Variants in SYT2 observed in about 807,000 individuals in gnomAD.
SYT2 encodes synaptotagmin-2.
A neutral mutation model predicts 39.9 loss-of-function variants in SYT2; 15 were observed. That is an observed-to-expected ratio of 0.38 (90% CI 0.25 to 0.58). The LOEUF (loss-of-function observed/expected upper bound fraction) is 0.58, where lower values mean the gene tolerates loss of function less well. SYT2 is among the 20% of genes least tolerant of loss of function. The probability of loss-of-function intolerance (pLI) is 0.70; values close to 1 mark genes in which losing one functional copy is unlikely to be tolerated. For missense variants in SYT2, 389 were observed against 530.3 expected, an observed-to-expected ratio of 0.73 and a Z score of 2.62; for synonymous variants, 181 against 204.5, an observed-to-expected ratio of 0.89 and a Z score of 0.98.
At chr1:202,606,280 CTG>C (rs1407173572) in intron 1 of SYT2, among the ~76,000 whole-genome samples, 2 of 152,158 alleles carry the variant, frequency 1.3e-5, no homozygotes, top group African/African-American at 4.8e-5. Flanking sequence ...AGTTCTGAAA[CTG>C]AGGTTTGAAC....
At chr1:202,695,599 T>G (rs933207284) in intron 1 of SYT2, among the ~76,000 whole-genome samples, 1 of 152,226 alleles carries the variant, frequency 6.6e-6, no homozygotes, top group African/African-American at 2.4e-5. Context: ...CAAGTGTCAT[T>G]GAGAGATGTG....
chr1:202,697,079 A>G (rs944709308), intron 1 of SYT2, among the ~76,000 whole-genome samples: 5 of 152,218 alleles, frequency 3.3e-5, no homozygotes, highest in Admixed American at 6.5e-5. Context: ...TGTTCCACTA[A>G]CGGCCGCAGC....
At chr1:202,639,001 G>A (rs926319703) in intron 1 of SYT2, among the ~76,000 whole-genome samples, 1 of 152,152 alleles carries the variant, frequency 6.6e-6, no homozygotes, top group African/African-American at 2.4e-5. Context: ...CTGTCTTTTG[G>A]TCTGTTGTCT....
In SYT2 at chr1:202,662,498, C is replaced by T. The variant is rs564601213; in HGVS notation, c.-18+47760G>A. Among the ~76,000 whole-genome samples the T allele has an allele frequency of 1.9e-3, 295 of 152,362 alleles. 1 individual carries two copies. The highest frequency in any genetic ancestry group is 6.4e-3 in the African/African-American group (266 of 41,584). ...CCATAGTCTACCTGGACTATGACAG[C>T]GCAGATACTGGCAGGGCCAAGTGCT... is the stretch of plus-strand genomic sequence containing the variant. On this transcript the variant is annotated intron_variant, in intron 1 of 8. Coordinates refer to ENST00000367268, the MANE Select transcript of SYT2 (RefSeq NM_177402.5).
chr1:202,667,466 CGTGTGTGTGTGTGTGTGTGT>C (rs35072265), intron 1 of SYT2, among the ~76,000 whole-genome samples: 12 of 140,842 alleles, frequency 8.5e-5, no homozygotes, highest in South Asian at 2.3e-4. Flanking sequence ...AGTGACCAGC[CGTGTGTGTGTGTGTGTGTGT>C]GTGTGTGTGT....
intron 1 of SYT2, among the ~76,000 whole-genome samples, chr1:202,615,692 C>T (rs1691013226): frequency 1.3e-5 from 2 of 152,212 alleles, no homozygotes; most frequent in South Asian, 4.1e-4. Context: ...CTCAGTCACG[C>T]AGTTCCTGCC....
In SYT2 at chr1:202,690,263, T is replaced by G. The variant is rs1249837483; in HGVS notation, c.-18+19995A>C. Among the ~76,000 whole-genome samples, 4 of 152,196 alleles carry G rather than the reference T, an allele frequency of 2.6e-5. No individual in the cohort carries two copies. In the East Asian group the frequency reaches 5.8e-4, roughly 22 times the overall value. ...ATGCCCAGCAAGTCACAGGCCAAGC[T>G]GAGCCTGGGACATAGGAACCTCACA... On this transcript the variant is annotated intron_variant, in intron 1 of 8. Transcript: ENST00000367268.
chr1:202,632,500 C>T, intron 1 of SYT2: 1 of 957,548 alleles, frequency 1.0e-6, no homozygotes, highest in Non-Finnish European at 1.2e-6. Flanking sequence ...GCGTAGCCAT[C>T]GCCGGATCTC....
At chr1:202,612,255 C>A (rs1170127941) in intron 1 of SYT2, among the ~76,000 whole-genome samples, 1 of 152,098 alleles carries the variant, frequency 6.6e-6, no homozygotes, top group Non-Finnish European at 1.5e-5. Context: ...GTATGTCTAA[C>A]CTCATGGCAA....
chr1:202,593,455 C>T lies in SYT2; in HGVS notation c.*3302G>A, dbSNP rs865825454. On this transcript the variant is annotated 3_prime_UTR_variant, in exon 9 of 9. Transcript: ENST00000367268. ...CTTGGGCCAGCAAAATCATCCCACA[C>T]TGATTCTGCAGACACAAGTTATGTA... is the stretch of plus-strand genomic sequence containing the variant. 3.3e-5 allele frequency: 5 copies of T among 152,218 alleles called. No homozygotes were observed. Among genetic ancestry groups the T allele is most frequent in the African/African-American group, 9.7e-5 (4 of 41,434 alleles). 9.4% of individuals were successfully genotyped at this position (152,218 alleles called of 1,614,324 possible).
intron 1 of SYT2, among the ~76,000 whole-genome samples, chr1:202,645,128 C>A (rs1013343796): frequency 3.3e-5 from 5 of 152,140 alleles, no homozygotes; most frequent in African/African-American, 9.7e-5. Context: ...TCTGCTGACC[C>A]CTCACTGTTC....
intron 1 of SYT2, among the ~76,000 whole-genome samples, chr1:202,687,618 G>T (rs1252439883): frequency 6.9e-6 from 1 of 144,166 alleles, no homozygotes; most frequent in Non-Finnish European, 1.5e-5. Context: ...ATGAGCTGAG[G>T]TTGCGCCATT....
At chr1:202,634,191 A>G (rs1414741209) in intron 1 of SYT2, among the ~76,000 whole-genome samples, 1 of 152,264 alleles carries the variant, frequency 6.6e-6, no homozygotes, top group Admixed American at 6.5e-5. Flanking sequence ...AATACTTAGA[A>G]CAGAGCCTAG....
intron 1 of SYT2, among the ~76,000 whole-genome samples, chr1:202,707,072 G>A (rs1371931126): frequency 6.6e-6 from 1 of 152,150 alleles, no homozygotes; most frequent in Non-Finnish European, 1.5e-5. Flanking sequence ...AATGCCACGA[G>A]GGCAGGAAAC....
At chr1:202,605,444 C>T (rs1001928518) in intron 2 of SYT2, 151 bp downstream of exon 2, 69 of 617,062 alleles carry the variant, frequency 1.1e-4, no homozygotes, top group Middle Eastern at 8.7e-4. Context: ...TCCCCCTCCC[C>T]GATTCCTGCA....
At chr1:202,642,728 G>A (rs910561575) in intron 1 of SYT2, among the ~76,000 whole-genome samples, 4 of 152,206 alleles carry the variant, frequency 2.6e-5, no homozygotes, top group African/African-American at 9.6e-5. Flanking sequence ...CCCCCTCTGC[G>A]CCAGGGGCTC....
chr1:202,674,910 G>GTCTCCTCTTTATGAGAGGTCAC (rs11267177), intron 1 of SYT2, among the ~76,000 whole-genome samples: 81,591 of 151,830 alleles, frequency 0.54, 24,175 homozygotes, highest in East Asian at 0.79. Flanking sequence ...TAATCTCAAT[G>GTCTCCTCTTTATGAGAGGTCAC]TCATGATCTC....
In SYT2 at chr1:202,629,869, G is replaced by GT. The variant is rs547931192; in HGVS notation, c.-17-24081_-17-24080insA. On this transcript the variant is annotated intron_variant, in intron 1 of 8. Coordinates refer to ENST00000367268, the MANE Select transcript of SYT2 (RefSeq NM_177402.5). ...GGCCATACCCAGCAGGCAGCTGGTGGGGGGGGGGGGGTGGTACGGCAGGTG... is the reference window on the plus strand; with the variant it reads ...GGCCATACCCAGCAGGCAGCTGGTGGTGGGGGGGGGGGTGGTACGGCAGGTG... Among the ~76,000 whole-genome samples the GT allele has an allele frequency of 2.9e-4, 35 of 121,576 alleles. 1 individual carries two copies. Among genetic ancestry groups the GT allele is most frequent in the East Asian group, 1.5e-3 (5 of 3,390 alleles). The allele number at this position is 121,576 out of a possible 152,430, so 79.8% of individuals were successfully genotyped here.
At chr1:202,622,556 GCAATTCC>G (rs201380432) in intron 1 of SYT2, among the ~76,000 whole-genome samples, 12,974 of 152,210 alleles carry the variant, frequency 0.085, 885 homozygotes, top group African/African-American at 0.18. Flanking sequence ...GCTGAGATCA[GCAATTCC>G]AGGCCACCTG....
Sources: allele counts gnomAD v4.1 joint callset (sites outside exome capture counted in the v4.1 genomes callset), GRCh38; gene constraint gnomAD v4.1.1; transcripts MANE v1.5; gene names NCBI Gene and HGNC (gene_info 2026-07-23, HGNC 2026-07-21).